Variants in ZNF736 observed in about 807,000 individuals in gnomAD.
The protein encoded by ZNF736 is KRAB-containing zinc-finger repressor protein.
Under a neutral mutation model 11.7 loss-of-function variants are expected in ZNF736, and 6 were observed. The ratio of observed to expected loss-of-function variants is 0.51; its 90% CI spans 0.28 to 1.01. The LOEUF is 1.01. Among genes scored for constraint, ZNF736 ranks in the 50% least tolerant of loss-of-function variants. ZNF736 has a pLI of 0.09. For missense variants in ZNF736, 444 were observed against 496.0 expected (o/e 0.90, Z 1.00); for synonymous variants, 139 against 164.7 (o/e 0.84, Z 1.19).
rs1374738294 is a variant in ZNF736 at position 64,337,743 on chromosome 7, TTTG to T, written c.226+764_226+766del. 2.4e-3 allele frequency among the ~76,000 whole-genome samples: 152 copies of T among 64,380 alleles called. 6 individuals are homozygous for T. The highest frequency in any genetic ancestry group is 0.02 in the Middle Eastern group (2 of 98). 42.2% of individuals were successfully genotyped at this position (64,380 alleles called of 152,430 possible). ...GAGTATTTTTTTTGTTTTGTTTTGT[TTTG>T]TTTTTTTTGGTTTTTTTTTTTTTTT... is the stretch of plus-strand genomic sequence containing the variant. On this transcript the variant is annotated intron_variant, in intron 3 of 3. Transcript: ENST00000423484.
rs191540871 is a variant in ZNF736 at position 64,349,262 on chromosome 7, G to T, written c.*115G>T. 218 of 966,128 alleles carry T rather than the reference G, an allele frequency of 2.3e-4. No homozygotes were observed. The highest frequency in any genetic ancestry group is 1.3e-3 in the Admixed American group (42 of 32,450). The allele number at this position is 966,128 out of a possible 1,614,324, so 59.8% of individuals were successfully genotyped here. A position where few individuals can be genotyped will look rare whatever the true frequency, so the allele number is the denominator to read the frequency against. Reference sequence around the variant, plus strand: ...TGGAAGAACATTTATCATCTTAGAGGGTCTCTAAGAACTTACTTTATAATC... The same window carrying T: ...TGGAAGAACATTTATCATCTTAGAGTGTCTCTAAGAACTTACTTTATAATC... On this transcript the variant is annotated 3_prime_UTR_variant, in exon 4 of 4. Transcript: ENST00000423484.
intron 1 of ZNF736, among the ~76,000 whole-genome samples, chr7:64,316,665 A>AAT (rs1788922122): frequency 6.6e-6 from 1 of 152,156 alleles, no homozygotes; most frequent in Non-Finnish European, 1.5e-5. Flanking sequence ...TGTCACCTTC[A>AAT]ATATATATGT....
intron 1 of ZNF736, among the ~76,000 whole-genome samples, chr7:64,315,371 G>GT (rs540369729): frequency 0.01 from 1,486 of 143,224 alleles, 14 homozygotes; most frequent in African/African-American, 0.03. Flanking sequence ...ACAAAAGGTT[G>GT]TTTTTTTTTT....
At chr7:64,345,732 TAAAAAA>T (rs60388880) in intron 3 of ZNF736, among the ~76,000 whole-genome samples, 1,008 of 82,882 alleles carry the variant, frequency 0.012, 17 homozygotes, top group South Asian at 0.077. Context: ...TACTCCATCT[TAAAAAA>T]AAAAAAAAAA....
rs1789447835 is a variant in ZNF736, at chr7:64,348,823, AG to A, written c.961del (p.Ala321LeufsTer64). On this transcript the variant is annotated frameshift_variant, in exon 4 of 4. Coordinates refer to ENST00000423484, the MANE Select transcript of ZNF736 (RefSeq NM_001170905.3). LOFTEE classifies it low-confidence loss of function (END_TRUNC). ...KPYTCNECGK[A>X]FKWFSALSKH... ...CCTACACATGTAATGAATGTGGAAA[AG>A]CTTTTAAGTGGTTCTCGGCCCTTAG... 6.3e-7 allele frequency: 1 copy of A among 1,590,152 alleles called. No individual in the cohort carries two copies. The highest frequency in any genetic ancestry group is 8.6e-7 in the Non-Finnish European group (1 of 1,167,992).
rs1169113744 is a variant in ZNF736 at position 64,336,876 on chromosome 7, T to C, written c.131-11T>C. ...CTAGCAAGAGTCATGTTTTTTTTTC[T>C]AATAAAACAGGTCTTGCTATCTTTA... On this transcript the variant is annotated splice_polypyrimidine_tract_variant and intron_variant, in intron 2 of 3. Coordinates refer to ENST00000423484, the MANE Select transcript of ZNF736 (RefSeq NM_001170905.3). The C allele has an allele frequency of 6.4e-7, 1 of 1,568,760 alleles. No individual in the cohort carries two copies. The highest frequency in any genetic ancestry group is 1.9e-5 in the Admixed American group (1 of 53,512).
chr7:64,348,551 A>G lies in ZNF736; in HGVS notation c.688A>G (p.Lys230Glu), dbSNP rs1161252172. The G allele has an allele frequency of 6.3e-6, 10 of 1,587,092 alleles. No homozygotes were observed. Among genetic ancestry groups the G allele is most frequent in the Middle Eastern group, 3.3e-4 (2 of 6,044 alleles). Residue 230 changes from lysine to glutamate, a missense_variant, in exon 4 of 4, where the codon AAA becomes GAA. Physicochemically the swap from Lys to Glu is moderately conservative, Grantham distance 56. Coordinates refer to ENST00000423484, the MANE Select transcript of ZNF736 (RefSeq NM_001170905.3). The part of the protein sequence containing the change: ...KRVHTGEKPY[K>E]CEGCGKTFTC... ...AGTTCATACTGGAGAGAAACCTTAC[A>G]AATGTGAAGGATGTGGCAAAACTTT...
In ZNF736 at chr7:64,337,002, G is replaced by C. The variant is rs114523725; in HGVS notation, c.226+20G>C. 6.6e-4 allele frequency: 1,041 copies of C among 1,580,546 alleles called. 3 individuals carry two copies. The African/African-American group carries it at 7.4e-3, about 11-fold the overall frequency. On this transcript the variant is annotated intron_variant, in intron 3 of 3. Coordinates refer to ENST00000423484, the MANE Select transcript of ZNF736 (RefSeq NM_001170905.3). ...ACCCAGGTAGGTGGGAGTGAATGAA[G>C]CAGATGACACAAATGACGGATCCCA...
chr7:64,325,912 A>G (rs1253354709), intron 1 of ZNF736, among the ~76,000 whole-genome samples: 3 of 152,156 alleles, frequency 2.0e-5, no homozygotes, highest in South Asian at 4.1e-4. Context: ...AATATAGCCA[A>G]TTTAAATTTT....
chr7:64,324,614 G>A (rs1789058003), intron 1 of ZNF736, among the ~76,000 whole-genome samples: 1 of 152,172 alleles, frequency 6.6e-6, no homozygotes, highest in Admixed American at 6.5e-5. Flanking sequence ...CCAGATACAA[G>A]TGCCTAGAGG....
intron 1 of ZNF736, among the ~76,000 whole-genome samples, chr7:64,323,705 C>T (rs1381273391): frequency 2.0e-5 from 3 of 151,986 alleles, no homozygotes; most frequent in Non-Finnish European, 1.5e-5. Context: ...TACATGGACA[C>T]CTTGGGGGAA....
At position 64,355,307 on chromosome 7, in the gene ZNF736, T is replaced by TTTA. The variant is rs1789539394; in HGVS notation, c.*6161_*6163dup. 1.3e-5 allele frequency: 2 copies of TTTA among 159,988 alleles called. No individual in the cohort carries two copies. The highest frequency in any genetic ancestry group is 4.8e-5 in the African/African-American group (2 of 41,410). 9.9% of individuals were successfully genotyped at this position (159,988 alleles called of 1,614,324 possible). ...TTCATATAGATTAATAAAATATGGTTTTAGTCTTCCTTCTCTATATTCTGG... is the reference window on the plus strand; with the variant it reads ...TTCATATAGATTAATAAAATATGGTTTTATTAGTCTTCCTTCTCTATATTCTGG... On this transcript the variant is annotated 3_prime_UTR_variant, in exon 4 of 4. Transcript: ENST00000423484.
At chr7:64,320,484 G>T (rs1423143497) in intron 1 of ZNF736, among the ~76,000 whole-genome samples, 1 of 152,092 alleles carries the variant, frequency 6.6e-6, no homozygotes, top group East Asian at 1.9e-4. Context: ...ATAATTCATT[G>T]AGAAATAAAA....
chr7:64,339,955 G>T (rs1789313189), intron 3 of ZNF736, among the ~76,000 whole-genome samples: 2 of 152,178 alleles, frequency 1.3e-5, no homozygotes, highest in South Asian at 2.1e-4. Context: ...GTGGAGAGGG[G>T]TTATATGTGG....
Position 64,348,617 on chromosome 7 carries a change from A to G in ZNF736, c.754A>G (p.Thr252Ala), listed in dbSNP as rs768944358. The change falls in exon 4 of 4, where the codon ACT becomes GCT. Residue 252 changes from threonine to alanine, a missense_variant. Coordinates refer to ENST00000423484, the MANE Select transcript of ZNF736 (RefSeq NM_001170905.3). ...CCTTGTTAAACACAAGAGAAATCATACTGGAGACAGACCCTACAAATGTGA... is the reference window on the plus strand; with the variant it reads ...CCTTGTTAAACACAAGAGAAATCATGCTGGAGACAGACCCTACAAATGTGA... ...STLVKHKRNH[T>A]GDRPYKCEEC... 6.2e-6 allele frequency: 10 copies of G among 1,604,064 alleles called. No individual in the cohort carries two copies. Among genetic ancestry groups the G allele is most frequent in the South Asian group, 3.3e-5 (3 of 90,004 alleles).
rs1427920428 is a variant in ZNF736, at chr7:64,355,900, GTCT to G, written c.*6758_*6760del. ...TGAAAATTAGGTGTGTGTCAAGATTGTCTTCTTAGGACCTGGCAGGATCAGCCT... is the reference window on the plus strand; with the variant it reads ...TGAAAATTAGGTGTGTGTCAAGATTGTCTTAGGACCTGGCAGGATCAGCCT... On this transcript the variant is annotated 3_prime_UTR_variant, in exon 4 of 4. Coordinates refer to ENST00000423484, the MANE Select transcript of ZNF736 (RefSeq NM_001170905.3). The G allele has an allele frequency of 5.3e-6, 1 of 188,876 alleles. No individual in the cohort carries two copies. Among genetic ancestry groups the G allele is most frequent in the African/African-American group, 2.4e-5 (1 of 42,494 alleles). 11.7% of individuals were successfully genotyped at this position (188,876 alleles called of 1,614,324 possible).
intron 3 of ZNF736, among the ~76,000 whole-genome samples, chr7:64,340,307 T>C (rs1789319721): frequency 6.6e-6 from 1 of 152,214 alleles, no homozygotes; most frequent in Non-Finnish European, 1.5e-5. Context: ...GACCTACTGC[T>C]GTAACCACAA....
intron 1 of ZNF736, among the ~76,000 whole-genome samples, chr7:64,324,942 GCA>G (rs1409075456): frequency 6.6e-6 from 1 of 152,294 alleles, no homozygotes; most frequent in Non-Finnish European, 1.5e-5. Flanking sequence ...CAGTAACAAG[GCA>G]GCTGTAACCT....
chr7:64,353,068 G>C lies in ZNF736; in HGVS notation c.*3921G>C, dbSNP rs56289655. The C allele has an allele frequency of 6.6e-6, 1 of 152,318 alleles. No individual in the cohort carries two copies. Among genetic ancestry groups the C allele is most frequent in the Non-Finnish European group, 1.5e-5 (1 of 68,144 alleles). 9.4% of individuals were successfully genotyped at this position (152,318 alleles called of 1,614,324 possible). On this transcript the variant is annotated 3_prime_UTR_variant, in exon 4 of 4. Transcript: ENST00000423484. ...CAGTATCTAAGGCTCTTGAATCTGCGCAGGCCTAAGTGGCTTATCTGCTGA... is the reference window on the plus strand; with the variant it reads ...CAGTATCTAAGGCTCTTGAATCTGCCCAGGCCTAAGTGGCTTATCTGCTGA...
Sources: allele counts gnomAD v4.1 joint callset (sites outside exome capture counted in the v4.1 genomes callset), GRCh38; gene constraint gnomAD v4.1.1; transcripts MANE v1.5; gene names NCBI Gene and HGNC (gene_info 2026-07-23, HGNC 2026-07-21).